Variants in NR5A2 observed in about 807,000 individuals in gnomAD.
The protein encoded by NR5A2 is nuclear receptor subfamily 5 group A member 2, also known as CYP7A promoter-binding factor.
Under a neutral mutation model 62.7 loss-of-function variants are expected in NR5A2, and 26 were observed. That is an observed-to-expected ratio of 0.41 (90% CI 0.30 to 0.58). The LOEUF is 0.58. Among genes scored for constraint, NR5A2 ranks in the 20% least tolerant of loss-of-function variants. The pLI is 0.22. For synonymous variants in NR5A2, 246 were observed against 241.7 expected (o/e 1.02, Z -0.16); for missense variants, 541 against 669.1 (o/e 0.81, Z 2.11).
At chr1:200,074,564 C>T (rs2816920) in intron 5 of NR5A2, among the ~76,000 whole-genome samples, 73,748 of 150,892 alleles carry the variant, frequency 0.49, 18,016 homozygotes, top group Middle Eastern at 0.52. Flanking sequence ...AGTGAAACTC[C>T]GTCTCTACTA....
At chr1:200,091,480 C>CTTT in intron 5 of NR5A2, among the ~76,000 whole-genome samples, 2 of 124,950 alleles carry the variant, frequency 1.6e-5, no homozygotes, top group African/African-American at 2.8e-5. Flanking sequence ...CCTTTGCTCT[C>CTTT]TTTCTTTTTT....
Position 200,039,710 on chromosome 1 carries a change from T to A in NR5A2, c.117T>A (p.Leu39=). 2 of 1,612,074 alleles carry A rather than the reference T, an allele frequency of 1.2e-6. No individual in the cohort carries two copies. The highest frequency in any genetic ancestry group is 1.7e-6 in the Non-Finnish European group (2 of 1,179,146). The part of the protein sequence containing the change: ...HGSPIPARGR[L]VMLPKVETEA... ...CCCCCATCCCCGCCCGCGGTCGCCT[T>A]GTCATGCTGCCCAAAGTGGAGACGG... is the stretch of plus-strand genomic sequence containing the variant. The change falls in exon 2 of 8, where the codon CTT becomes CTA. Residue 39 remains leucine (L), a synonymous_variant. Transcript: ENST00000367362. The surrounding 1 kb of genome is among the most constrained non-coding windows in gnomAD (Gnocchi z 5.1).
chr1:200,144,241 A>T (rs1326271271), intron 7 of NR5A2, among the ~76,000 whole-genome samples: 2 of 131,992 alleles, frequency 1.5e-5, no homozygotes, highest in African/African-American at 5.6e-5. Context: ...TCTCACACAC[A>T]CACACACACA....
chr1:200,159,887 A>G (rs1039370722), intron 7 of NR5A2, among the ~76,000 whole-genome samples: 5 of 152,178 alleles, frequency 3.3e-5, no homozygotes, highest in Non-Finnish European at 7.3e-5. Context: ...TCCTGACCTC[A>G]GGTAATCCTC....
intron 7 of NR5A2, among the ~76,000 whole-genome samples, chr1:200,142,501 ACTT>A (rs1294140911): frequency 6.6e-6 from 1 of 150,768 alleles, no homozygotes; most frequent in Admixed American, 6.6e-5. Flanking sequence ...CAGCCTAAAG[ACTT>A]CTTTTTTTTA....
chr1:200,061,518 T>C (rs974437294), intron 5 of NR5A2, among the ~76,000 whole-genome samples: 1 of 152,116 alleles, frequency 6.6e-6, no homozygotes, highest in African/African-American at 2.4e-5. Flanking sequence ...CCTCAGGTGA[T>C]CCGCCCACCT....
At chr1:200,120,224 G>A (rs1666421421) in intron 6 of NR5A2, among the ~76,000 whole-genome samples, 1 of 152,106 alleles carries the variant, frequency 6.6e-6, no homozygotes, top group African/African-American at 2.4e-5. Flanking sequence ...ACTTTAAAAT[G>A]TAGTCTCATA....
At chr1:200,170,600 G>C (rs1024291345) in intron 7 of NR5A2, among the ~76,000 whole-genome samples, 3 of 152,156 alleles carry the variant, frequency 2.0e-5, no homozygotes, top group Non-Finnish European at 1.5e-5. Context: ...CTCAATTACA[G>C]TGGAAAATCC....
chr1:200,101,807 T>C lies in NR5A2; in HGVS notation c.1111-9395T>C, dbSNP rs1178811411. ...TGATGAACTTATCATTAGTTTGTAATTAATTGATATTTCAACAAGAAGCTT... is the reference window on the plus strand; with the variant it reads ...TGATGAACTTATCATTAGTTTGTAACTAATTGATATTTCAACAAGAAGCTT... On this transcript the variant is annotated intron_variant, in intron 5 of 7. Coordinates refer to ENST00000367362, the MANE Select transcript of NR5A2 (RefSeq NM_205860.3). Among the ~76,000 whole-genome samples the C allele has an allele frequency of 2.0e-5, 3 of 152,216 alleles. No homozygotes were observed. The East Asian group carries it at 5.8e-4, about 29-fold the overall frequency.
intron 2 of NR5A2, among the ~76,000 whole-genome samples, chr1:200,041,619 C>G (rs1472762244): frequency 6.6e-6 from 1 of 152,216 alleles, no homozygotes; most frequent in Non-Finnish European, 1.5e-5. Context: ...CACCGCCGTC[C>G]GTTCTTCTTT....
chr1:200,155,011 G>A lies in NR5A2; in HGVS notation c.1379-18952G>A, dbSNP rs140496325. ...TAGGAATATCTATGTTTACAACTCC[G>A]GGACTAAGATTCAATAAAGCTTCAG... On this transcript the variant is annotated intron_variant, in intron 7 of 7. Transcript: ENST00000367362. 9.7e-4 allele frequency among the ~76,000 whole-genome samples: 148 copies of A among 152,296 alleles called. 3 individuals carry two copies. The East Asian group carries it at 0.02, about 21-fold the overall frequency.
chr1:200,114,217 G>GAT (rs751507322), intron 6 of NR5A2, among the ~76,000 whole-genome samples: 58 of 61,432 alleles, frequency 9.4e-4, no homozygotes, highest in Middle Eastern at 8.5e-3. Flanking sequence ...GAAGCTAGAA[G>GAT]ATATATATAT....
At chr1:200,034,802 TTTTTTTTTTTTTA>T (rs1353900614) in intron 1 of NR5A2, among the ~76,000 whole-genome samples, 2 of 129,882 alleles carry the variant, frequency 1.5e-5, no homozygotes, top group African/African-American at 6.5e-5. Flanking sequence ...TTTTTTTTTT[TTTTTTTTTTTTTA>T]AACAAGGCAC....
intron 5 of NR5A2, among the ~76,000 whole-genome samples, chr1:200,087,229 C>T (rs1032879057): frequency 5.2e-5 from 7 of 134,636 alleles, no homozygotes; most frequent in Non-Finnish European, 9.5e-5. Context: ...AACACATACA[C>T]CCTTCTTCAC....
intron 5 of NR5A2, among the ~76,000 whole-genome samples, chr1:200,070,898 C>G (rs1048666849): frequency 1.3e-5 from 2 of 152,052 alleles, no homozygotes; most frequent in African/African-American, 4.8e-5. Context: ...TGTGCAGGCT[C>G]TCAGGTAAAA....
intron 5 of NR5A2, among the ~76,000 whole-genome samples, chr1:200,108,410 C>T (rs542924377): frequency 3.3e-5 from 5 of 152,240 alleles, no homozygotes; most frequent in East Asian, 1.9e-4. Context: ...CCCACCTTTT[C>T]TCCTTCTGTT....
At chr1:200,061,240 C>A (rs1663201719) in intron 5 of NR5A2, among the ~76,000 whole-genome samples, 1 of 149,668 alleles carries the variant, frequency 6.7e-6, no homozygotes, top group Non-Finnish European at 1.5e-5. Flanking sequence ...TTGGAAATGT[C>A]AATGTCACTC....
chr1:200,062,931 C>T (rs1012581890), intron 5 of NR5A2, among the ~76,000 whole-genome samples: 1 of 152,030 alleles, frequency 6.6e-6, no homozygotes. Flanking sequence ...GGGGGGAAGA[C>T]ACCTGAGTGC....
rs1487933613 is a variant in NR5A2 at position 200,061,849 on chromosome 1, C to T, written c.1110+13031C>T. 2.0e-5 allele frequency among the ~76,000 whole-genome samples: 3 copies of T among 152,178 alleles called. 1 individual carries two copies. Among genetic ancestry groups the T allele is most frequent in the East Asian group, 3.9e-4 (2 of 5,192 alleles). ...AACAGAACCACCTCCTATGAATTGA[C>T]TGTCACATGTCTAAATGCCCTGTTT... On this transcript the variant is annotated intron_variant, in intron 5 of 7. Transcript: ENST00000367362.
Sources: gnomAD v4.1 joint callset for allele counts (sites outside exome capture counted in the v4.1 genomes callset) on GRCh38, gnomAD v4.1.1 for gene constraint, Gnocchi (gnomAD v3.1) non-coding constraint, MANE v1.5 for transcripts, NCBI Gene and HGNC (gene_info 2026-07-23, HGNC 2026-07-21) for gene names.